Variants in SWAP70 observed in about 807,000 individuals in gnomAD.
The protein encoded by SWAP70 is switching B cell complex subunit SWAP70.
SWAP70 carries 34 observed loss-of-function variants against 80.2 expected under a neutral mutation model. The ratio of observed to expected loss-of-function variants is 0.42; its 90% CI spans 0.32 to 0.56. SWAP70 has a LOEUF of 0.56. Ranked by LOEUF, SWAP70 falls within the 20% of genes least tolerant of loss-of-function variation. The pLI, the probability that SWAP70 is intolerant of heterozygous loss-of-function variation, is 0.09. For missense variants in SWAP70, 578 were observed against 690.7 expected (o/e 0.84, Z 1.83); for synonymous variants, 239 against 238.5 (o/e 1.00, Z -0.02).
intron 6 of SWAP70, among the ~76,000 whole-genome samples, chr11:9,730,291 C>T (rs1410163086): frequency 2.0e-5 from 3 of 148,020 alleles, no homozygotes; most frequent in Non-Finnish European, 4.4e-5. Flanking sequence ...GAGATCGAGA[C>T]CATCCTGGCT....
At chr11:9,741,324 A>G (rs1388073332) in intron 9 of SWAP70, 1 of 152,182 alleles carries the variant, frequency 6.6e-6, no homozygotes, top group Non-Finnish European at 1.5e-5. Context: ...AGGAAAAATT[A>G]TTTTCTAAAT....
Position 9,738,273 on chromosome 11 carries a change from G to T in SWAP70, c.1141G>T (p.Val381Leu). The change falls in exon 8 of 12, where the codon GTG becomes TTG. Residue 381 changes from valine to leucine, a missense_variant. Coordinates refer to ENST00000318950, the MANE Select transcript of SWAP70 (RefSeq NM_015055.4). ...EEEKKRLQTQ[V>L]ELQARFSTEL... ...GGAAAAGAAACGCCTTCAGACTCAA[G>T]TGGAACTTCAGGCCAGGTTCAGCAC... 1 of 1,611,640 alleles carries T rather than the reference G, an allele frequency of 6.2e-7. No homozygotes were observed. Among genetic ancestry groups the T allele is most frequent in the East Asian group, 2.2e-5 (1 of 44,666 alleles).
chr11:9,712,735 CTTT>C (rs71034736), intron 2 of SWAP70, among the ~76,000 whole-genome samples: 42,931 of 131,654 alleles, frequency 0.33, 6,521 homozygotes, highest in Non-Finnish European at 0.35. Flanking sequence ...TATCTTCTTC[CTTT>C]TTTTTTTTTT....
intron 7 of SWAP70, 46 bp from the exon 8 acceptor site, chr11:9,738,167 C>T (rs1399311954): frequency 4.2e-6 from 6 of 1,417,690 alleles, no homozygotes; most frequent in Admixed American, 2.0e-5. Flanking sequence ...TAATGTACTT[C>T]TACTCTAACA....
chr11:9,669,813 G>A (rs192500759), intron 1 of SWAP70, among the ~76,000 whole-genome samples: 1 of 152,080 alleles, frequency 6.6e-6, no homozygotes, highest in Non-Finnish European at 1.5e-5. Context: ...AGAATGATGA[G>A]TTGTGATCAG....
chr11:9,691,833 T>C (rs1850701160), intron 1 of SWAP70, among the ~76,000 whole-genome samples: 1 of 152,174 alleles, frequency 6.6e-6, no homozygotes, highest in Non-Finnish European at 1.5e-5. Context: ...AACCCTAAGG[T>C]AGAGAACAGG....
At chr11:9,686,487 AG>A (rs1396832101) in intron 1 of SWAP70, among the ~76,000 whole-genome samples, 1 of 151,650 alleles carries the variant, frequency 6.6e-6, no homozygotes, top group Non-Finnish European at 1.5e-5. Context: ...TAGCCTCCCT[AG>A]TAGCTGGGAC....
chr11:9,665,984 G>C (rs191296470), intron 1 of SWAP70, among the ~76,000 whole-genome samples: 296 of 146,312 alleles, frequency 2.0e-3, no homozygotes, highest in Non-Finnish European at 3.3e-3. Flanking sequence ...TTATTGATAT[G>C]GTTTGATTTA....
chr11:9,687,662 A>G (rs1400384653), intron 1 of SWAP70, among the ~76,000 whole-genome samples: 1 of 152,202 alleles, frequency 6.6e-6, no homozygotes, highest in Non-Finnish European at 1.5e-5. Flanking sequence ...AGTGGCATAT[A>G]TTCTGTGGAC....
intron 2 of SWAP70, among the ~76,000 whole-genome samples, chr11:9,694,604 A>T (rs1336498477): frequency 6.6e-6 from 1 of 152,212 alleles, no homozygotes; most frequent in East Asian, 1.9e-4. Context: ...ATTTACAAGG[A>T]ACTTAAACAA....
At chr11:9,720,818 A>AT (rs1851124812) in intron 3 of SWAP70, among the ~76,000 whole-genome samples, 1 of 151,386 alleles carries the variant, frequency 6.6e-6, no homozygotes, top group African/African-American at 2.4e-5. Context: ...ATCTCTTCTT[A>AT]TTTTTTATTT....
intron 3 of SWAP70, among the ~76,000 whole-genome samples, chr11:9,715,987 G>A (rs1357409350): frequency 6.6e-6 from 1 of 152,198 alleles, no homozygotes; most frequent in African/African-American, 2.4e-5. Context: ...TCTTGGAAAG[G>A]ATACATTTGC....
intron 7 of SWAP70, among the ~76,000 whole-genome samples, chr11:9,737,763 G>A (rs1851382170): frequency 6.6e-6 from 1 of 152,246 alleles, no homozygotes; most frequent in South Asian, 2.1e-4. Flanking sequence ...GGATGTGGTG[G>A]TGTGTGCCTG....
intron 1 of SWAP70, among the ~76,000 whole-genome samples, chr11:9,672,209 A>ATG (rs1216809153): frequency 7.7e-6 from 1 of 129,200 alleles, no homozygotes; most frequent in African/African-American, 2.8e-5. Context: ...ATATATATAT[A>ATG]TATATATATA....
At chr11:9,744,047 C>G (rs1459004439) in intron 9 of SWAP70, among the ~76,000 whole-genome samples, 1 of 151,126 alleles carries the variant, frequency 6.6e-6, no homozygotes, top group African/African-American at 2.4e-5. Context: ...ACTGCAAGCT[C>G]TGCCTCCCAG....
At chr11:9,715,972 C>T (rs757570614) in intron 3 of SWAP70, among the ~76,000 whole-genome samples, 5 of 152,160 alleles carry the variant, frequency 3.3e-5, no homozygotes, top group Non-Finnish European at 7.3e-5. Flanking sequence ...CTAGCTGCAA[C>T]GGAGTCTTGG....
intron 2 of SWAP70, 53 bp downstream of exon 2, chr11:9,694,339 A>G: frequency 1.3e-6 from 2 of 1,528,344 alleles, no homozygotes; most frequent in South Asian, 1.3e-5. Flanking sequence ...GCATGTTTCA[A>G]GTGGGCCCAA....
rs1851575933 is a variant in SWAP70, at chr11:9,750,619, G to C, written c.*649G>C. ...CAGACAGCACAGTCAGCTCTGCAGA[G>C]TTTGGAGGGGCTCACTGCCACTGGG... On this transcript the variant is annotated 3_prime_UTR_variant, in exon 12 of 12. Transcript: ENST00000318950. 6.6e-6 allele frequency: 1 copy of C among 152,302 alleles called. No homozygotes were observed. Among genetic ancestry groups the C allele is most frequent in the Non-Finnish European group, 1.5e-5 (1 of 68,092 alleles). The allele number at this position is 152,302 out of a possible 1,614,324, so 9.4% of individuals were successfully genotyped here.
At chr11:9,747,432 C>G (rs1851525838) in intron 9 of SWAP70, among the ~76,000 whole-genome samples, 1 of 152,200 alleles carries the variant, frequency 6.6e-6, no homozygotes. Flanking sequence ...TTGTAGCAAC[C>G]AGGCAAACTT....
Sources: allele counts gnomAD v4.1 joint callset (sites outside exome capture counted in the v4.1 genomes callset), GRCh38; gene constraint gnomAD v4.1.1; transcripts MANE v1.5; gene names NCBI Gene and HGNC (gene_info 2026-07-23, HGNC 2026-07-21).